Variants in IL1RL2 observed in about 807,000 individuals in gnomAD.
IL1RL2 encodes interleukin-1 receptor-like 2.
In IL1RL2, 68 loss-of-function variants were observed where a neutral mutation model predicts 66.8. The ratio of observed to expected loss-of-function variants is 1.02; its 90% CI spans 0.84 to 1.25. The LOEUF is 1.25. IL1RL2 is among the 50% of genes most tolerant of loss of function. The probability of loss-of-function intolerance (pLI) is 0.00; values close to 1 mark genes in which losing one functional copy is unlikely to be tolerated. For synonymous variants in IL1RL2, 305 were observed against 264.6 expected (o/e 1.15, Z -1.48); for missense variants, 729 against 709.3 (o/e 1.03, Z -0.32).
chr2:102,236,853 G>C (rs1674931193), intron 11 of IL1RL2, among the ~76,000 whole-genome samples: 1 of 152,068 alleles, frequency 6.6e-6, no homozygotes. Flanking sequence ...TTACATTTTT[G>C]ATACTTTTCA....
intron 6 of IL1RL2, among the ~76,000 whole-genome samples, chr2:102,213,666 C>T (rs1310248696): frequency 6.6e-6 from 1 of 151,848 alleles, no homozygotes; most frequent in Non-Finnish European, 1.5e-5. Flanking sequence ...TGGCATATGA[C>T]CAACTCTAAA....
At chr2:102,235,989 CAT>C (rs1674845036) in intron 11 of IL1RL2, 6 of 960,278 alleles carry the variant, frequency 6.2e-6, no homozygotes, top group Non-Finnish European at 6.2e-6. Context: ...CTTTTAGACA[CAT>C]GTCAACCAGA....
chr2:102,225,852 A>G (rs1282216008), intron 8 of IL1RL2, 46 bp from the exon 9 acceptor site: 2 of 1,407,554 alleles, frequency 1.4e-6, no homozygotes, highest in East Asian at 2.6e-5. Context: ...TCTTTGTTTC[A>G]TTATTATAAT....
At chr2:102,191,348 C>A (rs746409802) in intron 3 of IL1RL2, among the ~76,000 whole-genome samples, 1 of 152,092 alleles carries the variant, frequency 6.6e-6, no homozygotes, top group Non-Finnish European at 1.5e-5. Flanking sequence ...TCATATAATA[C>A]CTTAATCTAT....
At chr2:102,236,962 T>C (rs1422626324) in intron 11 of IL1RL2, among the ~76,000 whole-genome samples, 12 of 152,222 alleles carry the variant, frequency 7.9e-5, no homozygotes, top group Non-Finnish European at 1.3e-4. Context: ...CTCCGGGAAG[T>C]CAGAGGTTTC....
At chr2:102,235,791 TCTCA>T in intron 11 of IL1RL2, 2 of 985,416 alleles carry the variant, frequency 2.0e-6, no homozygotes, top group Non-Finnish European at 2.4e-6. Flanking sequence ...TCTGCGTCTC[TCTCA>T]CTCTGTCAGT....
At chr2:102,221,450 T>C (rs1024791) in intron 8 of IL1RL2, among the ~76,000 whole-genome samples, 24,238 of 152,156 alleles carry the variant, frequency 0.16, 2,394 homozygotes, top group Admixed American at 0.29. Context: ...TCAGAAAGCA[T>C]GTTTAAACTC....
At chr2:102,228,167 T>C (rs3771182) in intron 9 of IL1RL2, among the ~76,000 whole-genome samples, 29,636 of 152,100 alleles carry the variant, frequency 0.19, 3,561 homozygotes, top group Admixed American at 0.31. Flanking sequence ...TGAAATTCTC[T>C]ACAGCTCTGT....
chr2:102,220,492 C>T (rs11696062), intron 8 of IL1RL2, among the ~76,000 whole-genome samples: 42,658 of 151,922 alleles, frequency 0.28, 6,627 homozygotes, highest in East Asian at 0.38. Flanking sequence ...CTCTGAGTAC[C>T]GTACAGAACT....
At position 102,237,860 on chromosome 2, in the gene IL1RL2, C is replaced by T. The variant is rs112312865; in HGVS notation, c.1679-1332C>T. ...GGGACAAAAAGGTAGTTTATGGGAA[C>T]GCTGAAGGCCACCCTCAATTCTCTC... On this transcript the variant is annotated intron_variant, in intron 11 of 11. Transcript: ENST00000264257. Among the ~76,000 whole-genome samples, 765 of 152,168 alleles carry T rather than the reference C, an allele frequency of 5.0e-3. 8 individuals are homozygous for T. Among genetic ancestry groups the T allele is most frequent in the African/African-American group, 0.015 (631 of 41,512 alleles).
chr2:102,195,510 A>G (rs998276620), intron 4 of IL1RL2, among the ~76,000 whole-genome samples: 2 of 149,302 alleles, frequency 1.3e-5, no homozygotes, highest in Non-Finnish European at 3.0e-5. Flanking sequence ...TTGTGTGTAG[A>G]TCTGTTTCAG....
Position 102,189,236 on chromosome 2 carries a change from T to C in IL1RL2, c.219T>C (p.Ile73=), listed in dbSNP as rs770424065. ...TGTCCAAAATCATACAGTCTAGAAT[T>C]CACCAGGACGAGACTTGGATTTTGT... The part of the protein sequence containing the change: ...IPVSKIIQSR[I]HQDETWILFL... Residue 73 remains isoleucine, a synonymous_variant, in exon 3 of 12, where the codon ATT becomes ATC. Coordinates refer to ENST00000264257, the MANE Select transcript of IL1RL2 (RefSeq NM_003854.4). The C allele has an allele frequency of 3.7e-6, 6 of 1,614,082 alleles. No homozygotes were observed. In the Admixed American group the frequency reaches 1.0e-4, roughly 27 times the overall value.
chr2:102,218,176 T>A (rs1689774120), intron 6 of IL1RL2, among the ~76,000 whole-genome samples: 2 of 152,220 alleles, frequency 1.3e-5, no homozygotes, highest in South Asian at 2.1e-4. Flanking sequence ...GACAATATCC[T>A]GTTTTCTTGA....
chr2:102,202,086 C>A (rs3755289), intron 5 of IL1RL2, among the ~76,000 whole-genome samples: 42,597 of 151,876 alleles, frequency 0.28, 6,611 homozygotes, highest in East Asian at 0.38. Flanking sequence ...GTGAATATTC[C>A]TGCGGGCCTT....
At chr2:102,195,975 A>G (rs1687750685) in intron 4 of IL1RL2, among the ~76,000 whole-genome samples, 1 of 151,934 alleles carries the variant, frequency 6.6e-6, no homozygotes, top group Non-Finnish European at 1.5e-5. Flanking sequence ...CAGTCTCCCA[A>G]AGTGCTGGGA....
intron 9 of IL1RL2, among the ~76,000 whole-genome samples, chr2:102,232,487 C>T (rs1469632836): frequency 6.6e-6 from 1 of 152,184 alleles, no homozygotes; most frequent in Non-Finnish European, 1.5e-5. Context: ...TCATGCCTGG[C>T]TAACTTTTTG....
At chr2:102,229,531 A>C (rs1167890403) in intron 9 of IL1RL2, among the ~76,000 whole-genome samples, 2 of 152,202 alleles carry the variant, frequency 1.3e-5, no homozygotes, top group Non-Finnish European at 2.9e-5. Flanking sequence ...TAATTTGGGG[A>C]TAGAACCATG....
intron 5 of IL1RL2, among the ~76,000 whole-genome samples, chr2:102,208,251 T>A (rs942737987): frequency 6.6e-6 from 1 of 152,132 alleles, no homozygotes; most frequent in Non-Finnish European, 1.5e-5. Flanking sequence ...GGTTGTTAAC[T>A]TGGTGTCCTT....
chr2:102,222,777 C>G (rs1690251657), intron 8 of IL1RL2, among the ~76,000 whole-genome samples: 1 of 152,202 alleles, frequency 6.6e-6, no homozygotes, highest in South Asian at 2.1e-4. Context: ...GAAATGCAGC[C>G]TCGCTTAGGC....
Sources: gnomAD v4.1 joint callset for allele counts (sites outside exome capture counted in the v4.1 genomes callset) on GRCh38, gnomAD v4.1.1 for gene constraint, MANE v1.5 for transcripts, NCBI Gene and HGNC (gene_info 2026-07-23, HGNC 2026-07-21) for gene names.